The following TIAM1 variants were observed in gnomAD, a reference collection of about 807,000 sequenced individuals.
TIAM1 encodes rho guanine nucleotide exchange factor TIAM1.
A neutral mutation model predicts 163.5 loss-of-function variants in TIAM1; 65 were observed. The observed-to-expected ratio is 0.40, with a 90% confidence interval of 0.33 to 0.49. The LOEUF is 0.49. Ranked by LOEUF, TIAM1 falls within the 20% of genes least tolerant of loss-of-function variation. TIAM1 has a pLI of 0.77. For synonymous variants in TIAM1, 833 were observed against 810.1 expected (o/e 1.03, Z -0.48); for missense variants, 1,789 against 2,044.7 (o/e 0.87, Z 2.41).
chr21:31,125,476 C>A (rs187173595), intron 26 of TIAM1, among the ~76,000 whole-genome samples: 1 of 152,222 alleles, frequency 6.6e-6, no homozygotes, highest in Non-Finnish European at 1.5e-5. Flanking sequence ...GACAGCTTCC[C>A]GGGGATCTGC....
chr21:31,216,979 G>C (rs549577127), intron 9 of TIAM1, among the ~76,000 whole-genome samples: 60 of 152,236 alleles, frequency 3.9e-4, no homozygotes, highest in African/African-American at 1.4e-3. Flanking sequence ...AGGCTGAGGC[G>C]GGTGGATCAT....
chr21:31,180,424 G>A lies in TIAM1; in HGVS notation c.2887+1997C>T, dbSNP rs115700990. 8.4e-3 allele frequency among the ~76,000 whole-genome samples: 1,283 copies of A among 152,168 alleles called. 24 individuals are homozygous for A. Among genetic ancestry groups the A allele is most frequent in the African/African-American group, 0.029 (1,210 of 41,526 alleles). On this transcript the variant is annotated intron_variant, in intron 15 of 27. Transcript: ENST00000541036. ...ACAGAAGGAAAACAGCCAGAGACAAGGTGTAAATGAATGGCATGACTGTGT... is the reference window on the plus strand; with the variant it reads ...ACAGAAGGAAAACAGCCAGAGACAAAGTGTAAATGAATGGCATGACTGTGT...
intron 2 of TIAM1, among the ~76,000 whole-genome samples, chr21:31,401,613 G>A (rs1381416023): frequency 6.6e-6 from 1 of 152,082 alleles, no homozygotes; most frequent in Non-Finnish European, 1.5e-5. Flanking sequence ...ACTCAGTATT[G>A]GCCAAACAGA....
chr21:31,303,415 G>C (rs1378011889), intron 2 of TIAM1, among the ~76,000 whole-genome samples: 1 of 152,144 alleles, frequency 6.6e-6, no homozygotes, highest in Non-Finnish European at 1.5e-5. Context: ...AAATGAATAA[G>C]GCCAACAGGA....
chr21:31,210,814 G>GAAAGAAAGAAAGAAAGAAAGAAAGA (rs147674572), intron 10 of TIAM1, among the ~76,000 whole-genome samples: 2 of 147,616 alleles, frequency 1.4e-5, no homozygotes, highest in African/African-American at 5.2e-5. Context: ...AAGAAAGAAA[G>GAAAGAAAGAAAGAAAGAAAGAAAGA]GTCACCATTC....
Position 31,202,979 on chromosome 21 carries a change from G to T in TIAM1, c.2422C>A (p.Arg808Ser). Residue 808 changes from arginine to serine, a missense_variant, in exon 12 of 28, where the codon CGC becomes AGC. Around this residue, in one of 5 missense-constraint regions of TIAM1, gnomAD observed 456 missense variants for 586.6 expected, o/e 0.78. Coordinates refer to ENST00000541036, the MANE Select transcript of TIAM1 (RefSeq NM_001353694.2). ...HQLDHSAHYL[R>S]LKFLIENKMQ... ...TTGTTTTCTATTAGAAATTTCAGGC[G>T]CAGGTAATGAGCAGAATGATCCAGT... 1 of 1,613,898 alleles carries T rather than the reference G, an allele frequency of 6.2e-7. No homozygotes were observed. The highest frequency in any genetic ancestry group is 1.6e-4 in the Middle Eastern group (1 of 6,062).
intron 2 of TIAM1, among the ~76,000 whole-genome samples, chr21:31,379,563 A>C (rs952927453): frequency 1.3e-5 from 2 of 152,190 alleles, no homozygotes; most frequent in Admixed American, 6.5e-5. Context: ...GTCCACACAA[A>C]AGCTTGTACA....
At chr21:31,509,074 A>T (rs2047126911) in intron 1 of TIAM1, among the ~76,000 whole-genome samples, 1 of 152,144 alleles carries the variant, frequency 6.6e-6, no homozygotes, top group African/African-American at 2.4e-5. Context: ...AGAGCAGGCC[A>T]CTGATTTTCC....
At chr21:31,336,775 G>A (rs541457355) in intron 2 of TIAM1, among the ~76,000 whole-genome samples, 4 of 152,196 alleles carry the variant, frequency 2.6e-5, no homozygotes, top group East Asian at 1.9e-4. Flanking sequence ...AAAGACAGCC[G>A]GGAGGAGGTG....
intron 2 of TIAM1, among the ~76,000 whole-genome samples, chr21:31,303,304 A>G (rs576691214): frequency 8.5e-5 from 13 of 152,352 alleles, no homozygotes; most frequent in Middle Eastern, 3.4e-3. Flanking sequence ...TCTAAGAAAG[A>G]AAAGGTGCTC....
chr21:31,370,477 T>C (rs1222905078), intron 2 of TIAM1, among the ~76,000 whole-genome samples: 1 of 152,092 alleles, frequency 6.6e-6, no homozygotes, highest in Non-Finnish European at 1.5e-5. Context: ...TGTGGGTGTG[T>C]TTTTGTGTGT....
intron 27 of TIAM1, among the ~76,000 whole-genome samples, chr21:31,121,174 A>C (rs1351898494): frequency 1.3e-5 from 2 of 152,154 alleles, no homozygotes. Context: ...TGGGTAACAC[A>C]GACAGCAGCT....
intron 2 of TIAM1, among the ~76,000 whole-genome samples, chr21:31,413,319 G>A (rs1204656691): frequency 2.9e-4 from 40 of 138,790 alleles, no homozygotes; most frequent in African/African-American, 1.0e-3. Flanking sequence ...GCCCAGGCTG[G>A]AGTGCAGTGG....
intron 27 of TIAM1, among the ~76,000 whole-genome samples, chr21:31,123,303 G>C (rs145081265): frequency 2.0e-5 from 3 of 152,268 alleles, no homozygotes; most frequent in African/African-American, 7.2e-5. Context: ...GCAAACAAGA[G>C]GGGCAGATAA....
chr21:31,427,041 C>A (rs1028370896), intron 2 of TIAM1, among the ~76,000 whole-genome samples: 1 of 152,082 alleles, frequency 6.6e-6, no homozygotes, highest in East Asian at 1.9e-4. Flanking sequence ...CCACCTCAGC[C>A]TCCTGAGTAG....
intron 4 of TIAM1, among the ~76,000 whole-genome samples, chr21:31,262,587 C>T (rs949758810): frequency 3.9e-5 from 6 of 152,216 alleles, no homozygotes; most frequent in Non-Finnish European, 7.3e-5. Context: ...CCCTGTAGCA[C>T]ATATGTGCCA....
chr21:31,165,025 G>A lies in TIAM1; in HGVS notation c.2928C>T (p.Thr976=), dbSNP rs557120271. ...LCSEQGSSAE[T]APEETEGPDL... ...CTGGCCCCTCGGTCTCCTCTGGAGC[G>A]GTCTCAGCACTGCTGCCCTGCTCGC... is the stretch of plus-strand genomic sequence containing the variant. Residue 976 remains threonine (T), a synonymous_variant, in exon 16 of 28, where the codon ACC becomes ACT. Coordinates refer to ENST00000541036, the MANE Select transcript of TIAM1 (RefSeq NM_001353694.2). 5.1e-5 allele frequency: 82 copies of A among 1,614,070 alleles called. No individual in the cohort carries two copies. The highest frequency in any genetic ancestry group is 1.6e-4 in the Middle Eastern group (1 of 6,062).
In TIAM1 at chr21:31,135,936, A is replaced by T. The variant is rs2082604798; in HGVS notation, c.3880T>A (p.Phe1294Ile). The change falls in exon 23 of 28, where the codon TTC becomes ATC. Residue 1294 changes from phenylalanine (F) to isoleucine (I), a missense_variant. Phe to Ile is a conservative substitution (Grantham distance 21). Coordinates refer to ENST00000541036, the MANE Select transcript of TIAM1 (RefSeq NM_001353694.2). ...AAAACGCTTTTCTGATACACACCGA[A>T]TGCTGCCAACTCTGGTTCCTTTTTC... The part of the protein sequence containing the change: ...KWKKEPELAA[F>I]VFKTAVVLVY... 1 of 1,614,122 alleles carries T rather than the reference A, an allele frequency of 6.2e-7. No homozygotes were observed.
chr21:31,413,164 G>A (rs2043258602), intron 2 of TIAM1, among the ~76,000 whole-genome samples: 1 of 151,944 alleles, frequency 6.6e-6, no homozygotes, highest in African/African-American at 2.4e-5. Flanking sequence ...GTTCCTGGAT[G>A]GGAAGATCTC....
Sources: allele counts gnomAD v4.1 joint callset (sites outside exome capture counted in the v4.1 genomes callset), GRCh38; gene constraint gnomAD v4.1.1; regional missense constraint gnomAD v4.1.1; transcripts MANE v1.5; gene names NCBI Gene and HGNC (gene_info 2026-07-23, HGNC 2026-07-21).